Variants in DYNC1I1 observed in about 807,000 individuals in gnomAD.
DYNC1I1 encodes the protein dynein cytoplasmic 1 intermediate chain 1.
DYNC1I1 carries 43 observed loss-of-function variants against 86.6 expected under a neutral mutation model. The ratio of observed to expected loss-of-function variants is 0.50; its 90% CI spans 0.39 to 0.64. The LOEUF (loss-of-function observed/expected upper bound fraction) is 0.64. Among genes scored for constraint, DYNC1I1 ranks in the 30% least tolerant of loss-of-function variants. DYNC1I1 has a pLI of 0.00. For missense variants in DYNC1I1, 604 were observed against 788.8 expected (o/e 0.77, Z 2.81); for synonymous variants, 262 against 283.7 (o/e 0.92, Z 0.77).
At chr7:95,877,310 G>A (rs1790336548) in intron 6 of DYNC1I1, among the ~76,000 whole-genome samples, 1 of 152,178 alleles carries the variant, frequency 6.6e-6, no homozygotes, top group Non-Finnish European at 1.5e-5. Flanking sequence ...CTGAGAACAT[G>A]GGACCCCAAC....
chr7:96,049,967 A>G (rs1163258586), intron 14 of DYNC1I1, among the ~76,000 whole-genome samples: 3 of 151,334 alleles, frequency 2.0e-5, no homozygotes, highest in East Asian at 3.9e-4. Flanking sequence ...TGGAGGGCAC[A>G]GGTTGCAGTG....
At chr7:95,928,219 G>C (rs1791797099) in intron 6 of DYNC1I1, among the ~76,000 whole-genome samples, 1 of 152,180 alleles carries the variant, frequency 6.6e-6, no homozygotes, top group African/African-American at 2.4e-5. Flanking sequence ...TGACTTCCCT[G>C]ACATTGCTGT....
chr7:95,952,189 CTG>C (rs1792579579), intron 6 of DYNC1I1, among the ~76,000 whole-genome samples: 1 of 151,382 alleles, frequency 6.6e-6, no homozygotes, highest in Admixed American at 6.6e-5. Context: ...CTTTCTTATT[CTG>C]TCTGTTTTAC....
At chr7:95,793,479 G>T (rs1794361141) in intron 1 of DYNC1I1, among the ~76,000 whole-genome samples, 1 of 152,090 alleles carries the variant, frequency 6.6e-6, no homozygotes, top group African/African-American at 2.4e-5. Flanking sequence ...GAAGGGAATG[G>T]AAGTTGCGGC....
At chr7:95,957,262 T>C (rs1792741313) in intron 6 of DYNC1I1, among the ~76,000 whole-genome samples, 1 of 152,174 alleles carries the variant, frequency 6.6e-6, no homozygotes, top group African/African-American at 2.4e-5. Flanking sequence ...AAGTTGTGAG[T>C]TGCTGCTTAG....
At position 96,077,105 on chromosome 7, in the gene DYNC1I1, G is replaced by A. The variant is rs540454567; in HGVS notation, c.1650+908G>A. On this transcript the variant is annotated intron_variant, in intron 15 of 16. Coordinates refer to ENST00000447467, the MANE Select transcript of DYNC1I1 (RefSeq NM_001135556.2). ...AAGAATGGACAGGTAAGAGGAACAA[G>A]TGCTGCGAACTATATGTCAAGTGGA... Among the ~76,000 whole-genome samples the A allele has an allele frequency of 1.4e-4, 21 of 152,250 alleles. 1 individual carries two copies. The South Asian group carries it at 3.7e-3, about 27-fold the overall frequency.
chr7:95,993,060 A>G (rs553778765), intron 9 of DYNC1I1, among the ~76,000 whole-genome samples: 2 of 152,354 alleles, frequency 1.3e-5, no homozygotes, highest in East Asian at 1.9e-4. Flanking sequence ...AATTCTTTAT[A>G]TTCTCTTTAA....
intron 4 of DYNC1I1, among the ~76,000 whole-genome samples, chr7:95,823,979 T>TATATATATATATATA: frequency 9.1e-6 from 1 of 110,386 alleles, no homozygotes; most frequent in African/African-American, 4.2e-5. Context: ...TATATATATA[T>TATATATATATATATA]GTTTTGGTTT....
intron 6 of DYNC1I1, among the ~76,000 whole-genome samples, chr7:95,964,400 C>A (rs1792953430): frequency 6.6e-6 from 1 of 152,174 alleles, no homozygotes. Context: ...ATCATAGAAT[C>A]TGCCATTGCT....
At chr7:95,868,689 A>G (rs34353398) in intron 5 of DYNC1I1, among the ~76,000 whole-genome samples, 32 of 152,188 alleles carry the variant, frequency 2.1e-4, no homozygotes, top group Admixed American at 5.2e-4. Context: ...TTTAAAATAC[A>G]TATGTTTGTA....
At chr7:95,910,796 C>G (rs1419177431) in intron 6 of DYNC1I1, among the ~76,000 whole-genome samples, 1 of 152,204 alleles carries the variant, frequency 6.6e-6, no homozygotes, top group African/African-American at 2.4e-5. Context: ...AATAGCACCC[C>G]TCACAGGGTT....
downstream of DYNC1I1, among the ~76,000 whole-genome samples, chr7:96,099,948 G>A (rs1160729835): frequency 6.6e-6 from 1 of 152,144 alleles, no homozygotes; most frequent in Non-Finnish European, 1.5e-5. Context: ...TGACCATGGA[G>A]TGGTCATGTA....
intron 6 of DYNC1I1, among the ~76,000 whole-genome samples, chr7:95,954,309 C>A (rs1792641044): frequency 6.6e-6 from 1 of 151,062 alleles, no homozygotes; most frequent in African/African-American, 2.4e-5. Context: ...TATTTAAAGA[C>A]AATTAAGGTC....
intron 16 of DYNC1I1, among the ~76,000 whole-genome samples, chr7:96,084,559 A>T (rs555941426): frequency 6.7e-6 from 1 of 149,260 alleles, no homozygotes; most frequent in African/African-American, 2.5e-5. Context: ...AGTATCTGGG[A>T]TTACAGGCGC....
intron 1 of DYNC1I1, among the ~76,000 whole-genome samples, chr7:95,778,595 A>G (rs1227346612): frequency 6.6e-6 from 1 of 152,128 alleles, no homozygotes; most frequent in Non-Finnish European, 1.5e-5. Flanking sequence ...TCTTTCTTCT[A>G]TTTAATGATT....
At chr7:96,012,013 T>C (rs1295436845) in intron 10 of DYNC1I1, among the ~76,000 whole-genome samples, 4 of 152,204 alleles carry the variant, frequency 2.6e-5, no homozygotes, top group Non-Finnish European at 5.9e-5. Flanking sequence ...GAAAATATGT[T>C]CCTATGGTCT....
chr7:95,908,399 A>G (rs930286081), intron 6 of DYNC1I1, among the ~76,000 whole-genome samples: 2 of 152,198 alleles, frequency 1.3e-5, no homozygotes, highest in Admixed American at 6.5e-5. Flanking sequence ...TTAAAAAAAC[A>G]CTGGTAGGCA....
intron 16 of DYNC1I1, among the ~76,000 whole-genome samples, chr7:96,091,096 A>G (rs560089882): frequency 6.6e-6 from 1 of 152,326 alleles, no homozygotes; most frequent in African/African-American, 2.4e-5. Flanking sequence ...GAACACAGAC[A>G]TGTATTTGTA....
intron 14 of DYNC1I1, among the ~76,000 whole-genome samples, chr7:96,046,798 T>C (rs555693770): frequency 1.2e-4 from 19 of 152,240 alleles, no homozygotes; most frequent in Admixed American, 1.2e-3. Flanking sequence ...GTCGTTAGCA[T>C]CTGAGTGAAG....
Sources: gnomAD v4.1 joint callset for allele counts (sites outside exome capture counted in the v4.1 genomes callset) on GRCh38, gnomAD v4.1.1 for gene constraint, MANE v1.5 for transcripts, NCBI Gene and HGNC (gene_info 2026-07-23, HGNC 2026-07-21) for gene names.